C10orf67: variants seen among roughly 807,000 people sequenced by gnomAD.
The protein encoded by C10orf67 is chromosome 10 open reading frame 67.
In C10orf67, 60 loss-of-function variants were observed where a neutral mutation model predicts 35.6. The ratio of observed to expected loss-of-function variants is 1.68; its 90% CI spans 1.37 to 2.09. C10orf67 has a LOEUF of 2.09. Ranked by LOEUF, C10orf67 falls within the 30% of genes most tolerant of loss-of-function variation. The pLI is 0.00. For synonymous variants in C10orf67, 167 were observed against 115.8 expected, an observed-to-expected ratio of 1.44 and a Z score of -2.84; for missense variants, 474 against 330.2, an observed-to-expected ratio of 1.44 and a Z score of -3.38.
intron 8 of C10orf67, among the ~76,000 whole-genome samples, chr10:23,276,876 C>T (rs1261074748): frequency 1.3e-5 from 2 of 152,090 alleles, no homozygotes; most frequent in Non-Finnish European, 2.9e-5. Context: ...GAAAGTGTAA[C>T]ATGCTAATAG....
chr10:23,314,399 A>T (rs1381335713), intron 4 of C10orf67, among the ~76,000 whole-genome samples: 18 of 151,942 alleles, frequency 1.2e-4, no homozygotes, highest in Admixed American at 1.1e-3. Flanking sequence ...AGGTGGTAGG[A>T]TCACTTGAGG....
At chr10:23,297,297 C>A (rs895228363) in intron 5 of C10orf67, among the ~76,000 whole-genome samples, 1 of 147,110 alleles carries the variant, frequency 6.8e-6, no homozygotes, top group African/African-American at 2.4e-5. Context: ...TCTAAGACTG[C>A]CACCTCTTTA....
intron 4 of C10orf67, among the ~76,000 whole-genome samples, chr10:23,311,966 A>G (rs1351889514): frequency 6.6e-6 from 1 of 152,202 alleles, no homozygotes; most frequent in Admixed American, 6.5e-5. Flanking sequence ...TCAATTGCTT[A>G]CTTCAAAGGC....
intron 13 of C10orf67, among the ~76,000 whole-genome samples, chr10:23,231,273 G>A (rs1217750146): frequency 2.0e-5 from 3 of 152,210 alleles, no homozygotes; most frequent in African/African-American, 4.8e-5. Flanking sequence ...GATCAGACCT[G>A]TGGGACACAA....
intron 13 of C10orf67, among the ~76,000 whole-genome samples, chr10:23,237,828 A>G (rs1450558776): frequency 6.6e-6 from 1 of 152,220 alleles, no homozygotes. Flanking sequence ...GCTTGCAGGG[A>G]TGATGGAAAT....
At chr10:23,215,027 A>G (rs1033463416) in intron 15 of C10orf67, among the ~76,000 whole-genome samples, 1 of 152,138 alleles carries the variant, frequency 6.6e-6, no homozygotes, top group African/African-American at 2.4e-5. Flanking sequence ...TGTCTCAGAA[A>G]ATAGAAAACA....
intron 13 of C10orf67, among the ~76,000 whole-genome samples, chr10:23,236,594 T>G (rs112462856): frequency 2.0e-5 from 3 of 152,058 alleles, no homozygotes; most frequent in African/African-American, 7.2e-5. Flanking sequence ...GTAAAAAACT[T>G]TGGCCGGGCG....
At chr10:23,252,084 C>A (rs572535703) in intron 10 of C10orf67, among the ~76,000 whole-genome samples, 16 of 152,074 alleles carry the variant, frequency 1.1e-4, no homozygotes, top group Non-Finnish European at 2.2e-4. Flanking sequence ...GTTTTGCTTT[C>A]AAAAAAATCC....
At chr10:23,294,983 A>C (rs1387656367) in intron 5 of C10orf67, among the ~76,000 whole-genome samples, 2 of 152,228 alleles carry the variant, frequency 1.3e-5, no homozygotes, top group Non-Finnish European at 2.9e-5. Flanking sequence ...CCTTTGTGGC[A>C]TTCATGTCTG....
chr10:23,268,435 T>A (rs1588633453), intron 8 of C10orf67, among the ~76,000 whole-genome samples: 1 of 152,308 alleles, frequency 6.6e-6, no homozygotes, highest in East Asian at 1.9e-4. Flanking sequence ...TTATAAATAA[T>A]CCTACTTGAA....
At chr10:23,342,285 G>T (rs186758074) in intron 1 of C10orf67, among the ~76,000 whole-genome samples, 1 of 150,884 alleles carries the variant, frequency 6.6e-6, no homozygotes, top group Non-Finnish European at 1.5e-5. Context: ...CCCCATGTTC[G>T]GTTTCTTCCT....
At chr10:23,235,525 G>T (rs2132129508) in intron 13 of C10orf67, among the ~76,000 whole-genome samples, 1 of 152,332 alleles carries the variant, frequency 6.6e-6, no homozygotes, top group South Asian at 2.1e-4. Flanking sequence ...ATGGGCAGTT[G>T]TTTTTTAAAT....
chr10:23,313,878 T>G (rs1194208692), intron 4 of C10orf67, among the ~76,000 whole-genome samples: 1 of 151,514 alleles, frequency 6.6e-6, no homozygotes, highest in African/African-American at 2.4e-5. Context: ...GTCAGACTTG[T>G]GTTTTGAACG....
chr10:23,292,745 A>T (rs1588661165), intron 5 of C10orf67, among the ~76,000 whole-genome samples: 1 of 146,238 alleles, frequency 6.8e-6, no homozygotes, highest in Non-Finnish European at 1.5e-5. Context: ...GTGTGTGTGT[A>T]AGAGTTAGTA....
chr10:23,298,570 C>T (rs952702821), intron 5 of C10orf67, among the ~76,000 whole-genome samples: 3 of 152,154 alleles, frequency 2.0e-5, no homozygotes, highest in East Asian at 1.9e-4. Flanking sequence ...GCTATTTCGC[C>T]GTACCTGGGA....
At chr10:23,337,763 G>T (rs746023584) in intron 1 of C10orf67, among the ~76,000 whole-genome samples, 3 of 152,068 alleles carry the variant, frequency 2.0e-5, no homozygotes, top group Non-Finnish European at 4.4e-5. Context: ...AACCCAACCC[G>T]AGAAGTTCTT....
intron 15 of C10orf67, among the ~76,000 whole-genome samples, chr10:23,205,767 A>G (rs1841141258): frequency 6.6e-6 from 1 of 152,244 alleles, no homozygotes; most frequent in Non-Finnish European, 1.5e-5. Context: ...TGAATAACTC[A>G]GAAACATTGC....
chr10:23,202,163 C>T (rs1841047054), downstream of C10orf67: 1 of 152,264 alleles, frequency 6.6e-6, no homozygotes, highest in Non-Finnish European at 1.5e-5. Context: ...CGGTATTCTC[C>T]TCCAAACTAT....
intron 2 of C10orf67, among the ~76,000 whole-genome samples, chr10:23,327,423 C>A (rs1044754854): frequency 6.6e-6 from 1 of 152,044 alleles, no homozygotes; most frequent in East Asian, 1.9e-4. Context: ...TAAATACTAG[C>A]CCAAAGAATG....
Sources: allele counts gnomAD v4.1 joint callset (sites outside exome capture counted in the v4.1 genomes callset), GRCh38; gene constraint gnomAD v4.1.1; transcripts MANE v1.5; gene names NCBI Gene and HGNC (gene_info 2026-07-23, HGNC 2026-07-21).